The following RP1 variants were observed in gnomAD, a reference collection of about 807,000 sequenced individuals.
RP1 encodes the protein oxygen-regulated protein 1.
In RP1, 16 loss-of-function variants were observed where a neutral mutation model predicts 14.8. That is an observed-to-expected ratio of 1.08 (90% CI 0.73 to 1.65). The LOEUF (loss-of-function observed/expected upper bound fraction) is 1.65. Among genes scored for constraint, RP1 ranks in the 40% most tolerant of loss-of-function variants. The probability of loss-of-function intolerance (pLI) is 0.00; values close to 1 mark genes in which losing one functional copy is unlikely to be tolerated. For missense variants in RP1, 2,631 were observed against 2,535.0 expected, an observed-to-expected ratio of 1.04 and a Z score of -0.81; for synonymous variants, 876 against 883.6, an observed-to-expected ratio of 0.99 and a Z score of 0.15.
At chr8:54,720,145 A>G (rs776976285) in exon 16 of RP1, 182 of 1,534,336 alleles carry the variant, frequency 1.2e-4, no homozygotes, top group Non-Finnish European at 1.5e-4. Flanking sequence ...GGAGATGTTG[A>G]CTGTCATTTT....
chr8:54,789,655 T>C (rs758780760), intron 24 of RP1, among the ~76,000 whole-genome samples: 7 of 152,314 alleles, frequency 4.6e-5, no homozygotes, highest in Non-Finnish European at 8.8e-5. Flanking sequence ...CCTATGGTCT[T>C]GCTAAATTGT....
intron 24 of RP1, among the ~76,000 whole-genome samples, chr8:54,819,533 G>T (rs946849803): frequency 2.0e-5 from 3 of 152,040 alleles, no homozygotes; most frequent in African/African-American, 7.2e-5. Context: ...GATGATTGTT[G>T]ACGTCTGGGC....
At chr8:54,824,006 A>G (rs561751928) in intron 24 of RP1, among the ~76,000 whole-genome samples, 2 of 152,210 alleles carry the variant, frequency 1.3e-5, no homozygotes, top group East Asian at 3.9e-4. Flanking sequence ...GTGATATCTC[A>G]TTGTGGTCTT....
chr8:54,785,692 T>G (rs977259828), intron 24 of RP1, among the ~76,000 whole-genome samples: 3 of 152,116 alleles, frequency 2.0e-5, no homozygotes, highest in African/African-American at 7.2e-5. Flanking sequence ...TTTATTGACA[T>G]TCGATATTAT....
At chr8:54,734,807 A>T in intron 18 of RP1, 2 of 1,200,872 alleles carry the variant, frequency 1.7e-6, no homozygotes, top group Non-Finnish European at 1.1e-6. Flanking sequence ...GTAATGTAGA[A>T]GTGTGTGTGT....
intron 25 of RP1, among the ~76,000 whole-genome samples, chr8:54,847,446 G>A (rs770331811): frequency 4.3e-4 from 65 of 152,194 alleles, no homozygotes; most frequent in Middle Eastern, 3.2e-3. Context: ...ATCCTGATAT[G>A]TTTGCCAGAA....
Position 54,649,150 on chromosome 8 carries a change from T to C in RP1, c.951+2T>C, listed in dbSNP as rs756939929. The C allele has an allele frequency of 6.8e-7, 1 of 1,481,382 alleles. No homozygotes were observed. The highest frequency in any genetic ancestry group is 8.9e-7 in the Non-Finnish European group (1 of 1,129,292). The allele number at this position is 1,481,382 out of a possible 1,614,324, so 91.8% of individuals were successfully genotyped here. On this transcript the variant is annotated splice_donor_variant, in intron 4 of 22. Coordinates refer to the RP1 transcript ENST00000636932. LOFTEE classifies it high-confidence loss of function. Reference sequence around the variant, plus strand: ...GTTGGCCATGAAGACATATTTACTGTAAGTAATAAAACTGAGTATAAACTG... The same window carrying C: ...GTTGGCCATGAAGACATATTTACTGCAAGTAATAAAACTGAGTATAAACTG...
intron 1 of RP1, among the ~76,000 whole-genome samples, chr8:54,580,609 T>C (rs1184268898): frequency 7.0e-6 from 1 of 143,042 alleles, no homozygotes; most frequent in Non-Finnish European, 1.5e-5. Flanking sequence ...CTGGCCAATG[T>C]AGATATTTTA....
intron 3 of RP1, among the ~76,000 whole-genome samples, chr8:54,643,214 G>A (rs1042823065): frequency 2.6e-5 from 4 of 151,896 alleles, no homozygotes; most frequent in African/African-American, 9.7e-5. Flanking sequence ...AACTTATTGA[G>A]GTATAATTTA....
At chr8:54,624,443 CAAAAAAAAAAAAAAA>C (rs11332494) in intron 3 of RP1, among the ~76,000 whole-genome samples, 2 of 56,596 alleles carry the variant, frequency 3.5e-5, no homozygotes, top group Non-Finnish European at 5.9e-5. Flanking sequence ...GACTCTGTCT[CAAAAAAAAAAAAAAA>C]AAAAAAAAAG....
intron 12 of RP1, among the ~76,000 whole-genome samples, chr8:54,686,809 C>G (rs1014204475): frequency 3.3e-5 from 5 of 151,982 alleles, no homozygotes; most frequent in African/African-American, 1.2e-4. Context: ...CTATAAAATA[C>G]AGATTCATAT....
At chr8:54,609,018 G>T (rs1211195740) in intron 1 of RP1, among the ~76,000 whole-genome samples, 1 of 152,152 alleles carries the variant, frequency 6.6e-6, no homozygotes, top group Non-Finnish European at 1.5e-5. Context: ...TGATGGGGCT[G>T]GGGATACCCA....
chr8:54,721,996 A>C (rs1808547630), intron 16 of RP1, among the ~76,000 whole-genome samples: 1 of 152,070 alleles, frequency 6.6e-6, no homozygotes, highest in Admixed American at 6.5e-5. Flanking sequence ...TAATCCCAGC[A>C]CTTTGGGAGG....
intron 26 of RP1, among the ~76,000 whole-genome samples, chr8:54,853,412 G>C (rs1407438955): frequency 6.6e-6 from 1 of 152,160 alleles, no homozygotes; most frequent in Non-Finnish European, 1.5e-5. Context: ...AGTCACTGCT[G>C]TTGGCAGCAG....
chr8:54,565,172 G>A (rs1804374545), intron 1 of RP1, among the ~76,000 whole-genome samples: 1 of 152,200 alleles, frequency 6.6e-6, no homozygotes, highest in Non-Finnish European at 1.5e-5. Flanking sequence ...TGTGCTCTTA[G>A]GAATGTCCTG....
At chr8:54,850,949 G>C (rs536557336) in intron 25 of RP1, among the ~76,000 whole-genome samples, 1 of 152,008 alleles carries the variant, frequency 6.6e-6, no homozygotes, top group African/African-American at 2.4e-5. Context: ...TTTTTGACTC[G>C]GTTTGAGAAT....
intron 19 of RP1, among the ~76,000 whole-genome samples, chr8:54,750,514 T>C (rs146324584): frequency 8.9e-4 from 135 of 152,358 alleles, no homozygotes; most frequent in Middle Eastern, 3.4e-3. Context: ...AGAAGCCAGC[T>C]GGACTTCCTA....
intron 14 of RP1, among the ~76,000 whole-genome samples, chr8:54,704,414 A>G (rs1285843208): frequency 6.6e-6 from 1 of 152,228 alleles, no homozygotes; most frequent in African/African-American, 2.4e-5. Flanking sequence ...ACTGTCTTAT[A>G]TGAGCATAGT....
chr8:54,792,521 A>G (rs1810489539), intron 24 of RP1, among the ~76,000 whole-genome samples: 1 of 151,950 alleles, frequency 6.6e-6, no homozygotes, highest in Non-Finnish European at 1.5e-5. Context: ...TTCTCACTAC[A>G]ATAGTATGAA....
Sources: allele counts gnomAD v4.1 joint callset (sites outside exome capture counted in the v4.1 genomes callset), GRCh38; gene constraint gnomAD v4.1.1; transcripts MANE v1.5; gene names NCBI Gene and HGNC (gene_info 2026-07-23, HGNC 2026-07-21).